Variants in SATL1 observed in about 807,000 individuals in gnomAD.
The protein encoded by SATL1 is spermidine/spermine N(1)-acetyltransferase-like protein 1.
In SATL1, 47 loss-of-function variants were observed where a neutral mutation model predicts 51.8. The ratio of observed to expected loss-of-function variants is 0.91; its 90% CI spans 0.72 to 1.16. The LOEUF is 1.16. Ranked by LOEUF, SATL1 falls within the 50% of genes most tolerant of loss-of-function variation. SATL1 has a pLI of 0.00. For missense variants in SATL1, 520 were observed against 526.4 expected (o/e 0.99, Z 0.12); for synonymous variants, 176 against 182.4 (o/e 0.97, Z 0.28).
chrX:85,093,984 C>G (rs922077349), intron 6 of SATL1, 144 bp downstream of exon 6: 46 of 382,516 alleles, frequency 1.2e-4, no homozygotes, highest in Non-Finnish European at 2.0e-4. Flanking sequence ...AGATCAAACT[C>G]ATTAGGATAG....
chrX:85,147,530 C>T (rs1242724301), intron 2 of SATL1, among the ~76,000 whole-genome samples: 1 of 113,707 alleles, frequency 8.8e-6, no homozygotes, highest in Non-Finnish European at 1.9e-5. Flanking sequence ...CAAGTGGGTC[C>T]CTGACCCCTG....
At chrX:85,208,365 G>A (rs1309019304) in intron 2 of SATL1, among the ~76,000 whole-genome samples, 1 of 111,489 alleles carries the variant, frequency 9.0e-6, no homozygotes, top group East Asian at 2.8e-4. Context: ...ATAAACATAC[G>A]TGTGCATGTC....
chrX:85,135,715 C>T, intron 2 of SATL1, among the ~76,000 whole-genome samples: 1 of 93,993 alleles, frequency 1.1e-5, no homozygotes, highest in Middle Eastern at 4.9e-3. Flanking sequence ...GTAGCTGAGA[C>T]TATAGGCACT....
chrX:85,135,818 G>A (rs1026502657), intron 2 of SATL1, among the ~76,000 whole-genome samples: 1 of 109,785 alleles, frequency 9.1e-6, no homozygotes, highest in Non-Finnish European at 1.9e-5. Context: ...GAGCTCAAGC[G>A]TTCCATCTGC....
intron 2 of SATL1, among the ~76,000 whole-genome samples, chrX:85,142,178 C>T (rs1252829091): frequency 1.9e-5 from 2 of 106,491 alleles, no homozygotes; most frequent in African/African-American, 3.4e-5. Flanking sequence ...GGGTGGAACA[C>T]GAGGTTAGGA....
intron 2 of SATL1, among the ~76,000 whole-genome samples, chrX:85,152,814 T>C (rs1019571903): frequency 9.1e-6 from 1 of 109,412 alleles, no homozygotes; most frequent in Admixed American, 9.8e-5. Flanking sequence ...CTGGGGACTG[T>C]TGTGGGGTGG....
At chrX:85,198,790 A>T (rs767302244) in intron 2 of SATL1, among the ~76,000 whole-genome samples, 121 of 110,626 alleles carry the variant, frequency 1.1e-3, no homozygotes, top group Admixed American at 2.5e-3. Flanking sequence ...AGTACAATTA[A>T]ATTATTACTG....
intron 1 of SATL1, among the ~76,000 whole-genome samples, chrX:85,227,467 C>T (rs1417009273): frequency 3.6e-5 from 4 of 112,045 alleles, no homozygotes; most frequent in Non-Finnish European, 7.5e-5. Context: ...TGGCTGCTAA[C>T]ATCCCAACAA....
chrX:85,152,325 T>C (rs1255297224), intron 2 of SATL1, among the ~76,000 whole-genome samples: 2 of 111,264 alleles, frequency 1.8e-5, no homozygotes, highest in Admixed American at 9.5e-5. Context: ...CAACAGGTGC[T>C]GGAGAGGATG....
intron 2 of SATL1, among the ~76,000 whole-genome samples, chrX:85,215,123 C>A (rs1373911402): frequency 8.9e-6 from 1 of 111,824 alleles, no homozygotes; most frequent in Non-Finnish European, 1.9e-5. Context: ...ATATGCATGC[C>A]ACCAAGGCTT....
At chrX:85,170,122 C>T (rs1169656336) in intron 2 of SATL1, among the ~76,000 whole-genome samples, 1 of 110,498 alleles carries the variant, frequency 9.0e-6, no homozygotes, top group Non-Finnish European at 1.9e-5. Context: ...CTGGGGCCTA[C>T]TTAAGAGTGG....
intron 1 of SATL1, among the ~76,000 whole-genome samples, chrX:85,225,215 A>G (rs1928253904): frequency 1.8e-5 from 2 of 112,097 alleles, no homozygotes; most frequent in South Asian, 3.7e-4. Context: ...TAGTGGATAC[A>G]TGAACTTACA....
intron 4 of SATL1, among the ~76,000 whole-genome samples, chrX:85,103,448 G>A (rs769799774): frequency 7.1e-4 from 79 of 111,795 alleles, no homozygotes; most frequent in Non-Finnish European, 1.5e-4. Flanking sequence ...TGCCTAAAAT[G>A]TTCCAATTCA....
At chrX:85,099,333 A>G (rs1924825660) in intron 4 of SATL1, among the ~76,000 whole-genome samples, 1 of 111,877 alleles carries the variant, frequency 8.9e-6, no homozygotes, top group Non-Finnish European at 1.9e-5. Flanking sequence ...ACATTTACAG[A>G]AGAATTAATA....
intron 2 of SATL1, among the ~76,000 whole-genome samples, chrX:85,214,967 T>C (rs1928011036): frequency 8.9e-6 from 1 of 112,025 alleles, no homozygotes; most frequent in Admixed American, 9.5e-5. Flanking sequence ...TGCAGTCCAA[T>C]GCTTACAGTT....
At chrX:85,174,148 C>T (rs778857016) in intron 2 of SATL1, among the ~76,000 whole-genome samples, 1 of 109,861 alleles carries the variant, frequency 9.1e-6, no homozygotes, top group South Asian at 4.0e-4. Flanking sequence ...GTATATGTGC[C>T]ACATTTTCTT....
chrX:85,212,582 A>T (rs189380004), intron 2 of SATL1: 97 of 112,088 alleles, frequency 8.7e-4, no homozygotes, highest in African/African-American at 2.5e-3. Context: ...TTTCCCACAG[A>T]ATATAGTCAT....
chrX:85,202,296 C>A (rs1428611310), intron 2 of SATL1, among the ~76,000 whole-genome samples: 3 of 112,140 alleles, frequency 2.7e-5, no homozygotes, highest in African/African-American at 9.7e-5. Context: ...TGTGCAGAAG[C>A]TTCAAAGTTT....
intron 2 of SATL1, among the ~76,000 whole-genome samples, chrX:85,215,397 CT>C (rs1928021652): frequency 8.9e-6 from 1 of 111,961 alleles, no homozygotes; most frequent in Non-Finnish European, 1.9e-5. Context: ...CCACAACATC[CT>C]TGGATTCCTC....
Sources: allele counts gnomAD v4.1 joint callset (sites outside exome capture counted in the v4.1 genomes callset), GRCh38; gene constraint gnomAD v4.1.1; transcripts MANE v1.5; gene names NCBI Gene and HGNC (gene_info 2026-07-23, HGNC 2026-07-21).